SIN3A: variants seen among roughly 807,000 people sequenced by gnomAD.
The protein encoded by SIN3A is SIN3 transcription regulator family member A.
A neutral mutation model predicts 146.1 loss-of-function variants in SIN3A; 14 were observed. The observed-to-expected ratio is 0.10, with a 90% CI of 0.06 to 0.15. SIN3A has a LOEUF of 0.15. Among genes scored for constraint, SIN3A ranks in the 10% least tolerant of loss-of-function variants. The pLI, the probability that SIN3A is intolerant of heterozygous loss-of-function variation, is 1.00. For synonymous variants in SIN3A, 572 were observed against 572.0 expected (o/e 1.00, Z 0.00); for missense variants, 1,028 against 1,576.0 (o/e 0.65, Z 5.89).
At chr15:75,391,933 G>A (rs908620738) in intron 15 of SIN3A, among the ~76,000 whole-genome samples, 6 of 152,200 alleles carry the variant, frequency 3.9e-5, no homozygotes, top group African/African-American at 1.4e-4. Context: ...TCTGTACTTT[G>A]AAACAGATGG....
intron 2 of SIN3A, among the ~76,000 whole-genome samples, chr15:75,428,811 A>G (rs2073967679): frequency 6.6e-6 from 1 of 152,116 alleles, no homozygotes; most frequent in African/African-American, 2.4e-5. Flanking sequence ...ACACAAGTCC[A>G]CTTATACATG....
chr15:75,455,301 T>G (rs1485073490), upstream of SIN3A, among the ~76,000 whole-genome samples: 1 of 151,274 alleles, frequency 6.6e-6, no homozygotes, highest in Non-Finnish European at 1.5e-5. Context: ...CCGCCGACCA[T>G]GCTCGAGCCG....
chr15:75,447,060 C>A (rs1434766489), intron 1 of SIN3A, among the ~76,000 whole-genome samples: 2 of 152,226 alleles, frequency 1.3e-5, no homozygotes, highest in African/African-American at 4.8e-5. Context: ...GGCCACCGCG[C>A]CCAGCTCATT....
chr15:75,391,707 A>G (rs1567333169), intron 15 of SIN3A, among the ~76,000 whole-genome samples: 1 of 152,144 alleles, frequency 6.6e-6, no homozygotes, highest in African/African-American at 2.4e-5. Flanking sequence ...CCTGAGTTCT[A>G]CATCTTTATC....
At chr15:75,420,123 A>G (rs1246803668) in intron 3 of SIN3A, 1 of 152,126 alleles carries the variant, frequency 6.6e-6, no homozygotes, top group African/African-American at 2.4e-5. Context: ...TTCAACAGGG[A>G]TTTACTATTA....
chr15:75,376,693 AC>A (rs2072862817), intron 19 of SIN3A, among the ~76,000 whole-genome samples: 1 of 90,856 alleles, frequency 1.1e-5, no homozygotes, highest in Admixed American at 1.1e-4. Context: ...CCCCTTCTCT[AC>A]AAAAAAAAAA....
intron 19 of SIN3A, among the ~76,000 whole-genome samples, chr15:75,379,481 C>T (rs2141379551): frequency 6.6e-6 from 1 of 152,308 alleles, no homozygotes; most frequent in East Asian, 1.9e-4. Context: ...AAATGTGCCT[C>T]CTTCCTCATA....
chr15:75,383,679 C>A (rs1488249190), intron 17 of SIN3A, among the ~76,000 whole-genome samples: 2 of 152,182 alleles, frequency 1.3e-5, no homozygotes, highest in Non-Finnish European at 2.9e-5. Context: ...CAGACGCCCA[C>A]CACTACGCCC....
At chr15:75,376,931 A>G (rs777827853) in intron 19 of SIN3A, among the ~76,000 whole-genome samples, 34 of 151,430 alleles carry the variant, frequency 2.2e-4, no homozygotes, top group Non-Finnish European at 4.6e-4. Context: ...GTATACAAGT[A>G]TTTCTGTAGA....
chr15:75,447,280 T>C (rs1267070664), intron 1 of SIN3A, among the ~76,000 whole-genome samples: 8 of 152,174 alleles, frequency 5.3e-5, no homozygotes, highest in African/African-American at 1.9e-4. Flanking sequence ...ACTAGGGCAG[T>C]GGAGATGCAG....
chr15:75,403,666 G>A (rs1366806518), intron 9 of SIN3A, among the ~76,000 whole-genome samples: 7 of 151,432 alleles, frequency 4.6e-5, no homozygotes, highest in African/African-American at 1.2e-4. Flanking sequence ...TCGGCCTCCC[G>A]AGTAGCTGGG....
intron 9 of SIN3A, among the ~76,000 whole-genome samples, chr15:75,402,988 A>G (rs2073439564): frequency 6.6e-6 from 1 of 152,200 alleles, no homozygotes; most frequent in African/African-American, 2.4e-5. Flanking sequence ...TATGGATGAA[A>G]TAAGGTATCT....
At chr15:75,380,748 G>C in intron 18 of SIN3A, 25 bp from the exon 19 acceptor site, 1 of 1,567,484 alleles carries the variant, frequency 6.4e-7, no homozygotes, top group African/African-American at 1.3e-5. Flanking sequence ...ACAAAATACA[G>C]GTGGAAGGAA....
chr15:75,402,758 C>T (rs759793733), intron 9 of SIN3A, among the ~76,000 whole-genome samples: 1 of 152,040 alleles, frequency 6.6e-6, no homozygotes, highest in Non-Finnish European at 1.5e-5. Flanking sequence ...CCTCAGCCTC[C>T]CAAGTAGGTG....
intron 17 of SIN3A, among the ~76,000 whole-genome samples, chr15:75,382,716 G>A (rs1207777533): frequency 6.6e-6 from 1 of 152,212 alleles, no homozygotes; most frequent in Admixed American, 6.5e-5. Flanking sequence ...GGAGGCTAAG[G>A]CGGGCAGATC....
At chr15:75,418,181 G>A (rs1179375941) in intron 3 of SIN3A, among the ~76,000 whole-genome samples, 1 of 151,946 alleles carries the variant, frequency 6.6e-6, no homozygotes, top group African/African-American at 2.4e-5. Flanking sequence ...ATAGGCGCCT[G>A]CCACCACGCC....
rs150804023 is a variant in SIN3A, at chr15:75,426,766, T to C, written c.189+3421A>G. On this transcript the variant is annotated intron_variant, in intron 2 of 20. Coordinates refer to ENST00000394947, the MANE Select transcript of SIN3A (RefSeq NM_001145358.2). ...GAAACATGGTGAAACTCTGTCTCTA[T>C]AGAAAAAATACAAAAATTAGCCAGG... Among the ~76,000 whole-genome samples the C allele has an allele frequency of 1.2e-3, 189 of 151,814 alleles. 1 individual carries two copies. The highest frequency in any genetic ancestry group is 2.3e-3 in the Non-Finnish European group (157 of 67,902).
intron 3 of SIN3A, chr15:75,420,896 C>A (rs891257985): frequency 4.6e-5 from 7 of 152,176 alleles, no homozygotes; most frequent in Admixed American, 1.3e-4. Context: ...ACTAAAAGAA[C>A]ACAACAAGAA....
chr15:75,390,288 G>A (rs1055908799), intron 15 of SIN3A, among the ~76,000 whole-genome samples: 2 of 152,204 alleles, frequency 1.3e-5, no homozygotes, highest in Non-Finnish European at 2.9e-5. Context: ...CCAGCACTGG[G>A]AAACCTCTTG....
Sources: gnomAD v4.1 joint callset for allele counts (sites outside exome capture counted in the v4.1 genomes callset) on GRCh38, gnomAD v4.1.1 for gene constraint, MANE v1.5 for transcripts, NCBI Gene and HGNC (gene_info 2026-07-23, HGNC 2026-07-21) for gene names.